The following DKK4 variants were observed in gnomAD, a reference collection of about 807,000 sequenced individuals.
DKK4 encodes the protein dickkopf-related protein 4.
Under a neutral mutation model 14.5 loss-of-function variants are expected in DKK4, and 15 were observed. The ratio of observed to expected loss-of-function variants is 1.03; its 90% confidence interval spans 0.69 to 1.59. DKK4 has a LOEUF of 1.59. Among genes scored for constraint, DKK4 ranks in the 40% most tolerant of loss-of-function variants. DKK4 has a pLI of 0.00. For missense variants in DKK4, 272 were observed against 280.3 expected (o/e 0.97, Z 0.21); for synonymous variants, 89 against 105.2 (o/e 0.85, Z 0.94).
At chr8:42,386,904 GT>G in the DKK4 span, among the ~76,000 whole-genome samples, 2 of 152,198 alleles carry the variant, frequency 1.3e-5, no homozygotes, top group African/African-American at 4.8e-5. Context: ...GTTCTCAGCT[GT>G]TTTTTCAATC....
upstream of DKK4, among the ~76,000 whole-genome samples, chr8:42,379,554 A>AAGGTAT (rs1414663700): frequency 1.3e-5 from 2 of 151,628 alleles, no homozygotes; most frequent in Non-Finnish European, 2.9e-5. Flanking sequence ...CACTAAAATA[A>AAGGTAT]AGGTATAAAT....
the DKK4 span, among the ~76,000 whole-genome samples, chr8:42,388,771 A>G: frequency 6.6e-6 from 1 of 151,902 alleles, no homozygotes; most frequent in Non-Finnish European, 1.5e-5. Flanking sequence ...GGGTTTCACC[A>G]TGTTGGCCAG....
At chr8:42,386,120 C>T in the DKK4 span, among the ~76,000 whole-genome samples, 1 of 152,276 alleles carries the variant, frequency 6.6e-6, no homozygotes, top group South Asian at 2.1e-4. Flanking sequence ...ACTGTGTTGC[C>T]CGGGCTGGAG....
At chr8:42,380,441 GAGGA>G (rs1237308036), upstream of DKK4, among the ~76,000 whole-genome samples, 7 of 144,238 alleles carry the variant, frequency 4.9e-5, no homozygotes, top group East Asian at 8.3e-4. Context: ...AGAAGAGAGA[GAGGA>G]AGGAAGGAAG....
chr8:42,379,368 TATATATATATAGAG>T (rs1319934491), upstream of DKK4, among the ~76,000 whole-genome samples: 2 of 49,494 alleles, frequency 4.0e-5, no homozygotes, highest in Middle Eastern at 7.5e-3. Flanking sequence ...TATATATATA[TATATATATATAGAG>T]AGAGAGAGAG....
At chr8:42,375,175 C>A (rs926913115) in intron 2 of DKK4, among the ~76,000 whole-genome samples, 4 of 152,202 alleles carry the variant, frequency 2.6e-5, no homozygotes, top group Admixed American at 6.5e-5. Flanking sequence ...CAACTTGAGT[C>A]TTTCCTTTAA....
At chr8:42,381,591 A>G (rs961397423), upstream of DKK4, among the ~76,000 whole-genome samples, 1 of 152,046 alleles carries the variant, frequency 6.6e-6, no homozygotes, top group African/African-American at 2.4e-5. Context: ...GCCTGACTCT[A>G]TTACCAGCTG....
upstream of DKK4, among the ~76,000 whole-genome samples, chr8:42,380,948 C>T (rs376901914): frequency 4.0e-5 from 6 of 151,516 alleles, no homozygotes; most frequent in East Asian, 3.9e-4. Context: ...AACGAACAAA[C>T]GAAAGAAAGA....
chr8:42,378,166 ATACTT>A (rs1264685775), upstream of DKK4, among the ~76,000 whole-genome samples: 1 of 152,202 alleles, frequency 6.6e-6, no homozygotes, highest in Non-Finnish European at 1.5e-5. Flanking sequence ...ACTGTCTTAA[ATACTT>A]TAAGGGTAGA....
the DKK4 span, among the ~76,000 whole-genome samples, chr8:42,384,327 G>A: frequency 3.2e-4 from 48 of 152,278 alleles, no homozygotes; most frequent in Non-Finnish European, 6.5e-4. Flanking sequence ...ATTTTTTGTG[G>A]AGATGGGGTC....
upstream of DKK4, among the ~76,000 whole-genome samples, chr8:42,382,123 G>A (rs1180004766): frequency 2.0e-5 from 3 of 152,150 alleles, no homozygotes; most frequent in South Asian, 2.1e-4. Flanking sequence ...ACATGTGTTC[G>A]ATACAACTCA....
At chr8:42,387,896 A>C in the DKK4 span, among the ~76,000 whole-genome samples, 1 of 152,096 alleles carries the variant, frequency 6.6e-6, no homozygotes, top group East Asian at 1.9e-4. Flanking sequence ...CCATTAAAAA[A>C]ATTTTTTTTA....
chr8:42,380,629 GAA>G (rs898834590), upstream of DKK4, among the ~76,000 whole-genome samples: 2 of 140,162 alleles, frequency 1.4e-5, no homozygotes, highest in Non-Finnish European at 3.0e-5. Flanking sequence ...GAGAAAGAAA[GAA>G]AGAGGAAAGA....
upstream of DKK4, among the ~76,000 whole-genome samples, chr8:42,379,590 A>G (rs1236606766): frequency 6.6e-5 from 10 of 151,922 alleles, no homozygotes; most frequent in African/African-American, 2.4e-4. Flanking sequence ...TTATGAAGAT[A>G]TAAATACAGA....
chr8:42,385,176 G>A, the DKK4 span, among the ~76,000 whole-genome samples: 2 of 152,152 alleles, frequency 1.3e-5, no homozygotes, highest in Non-Finnish European at 2.9e-5. Flanking sequence ...AGGATTGCTT[G>A]AGCCCAGTAG....
upstream of DKK4, among the ~76,000 whole-genome samples, chr8:42,381,484 G>A (rs1463176451): frequency 1.3e-5 from 2 of 152,150 alleles, no homozygotes; most frequent in African/African-American, 2.4e-5. Flanking sequence ...ATCACCAACA[G>A]GGGGTGAACA....
chr8:42,388,279 G>C, the DKK4 span, among the ~76,000 whole-genome samples: 2 of 151,952 alleles, frequency 1.3e-5, no homozygotes. Flanking sequence ...GCCCAGGCTA[G>C]AGTGAAGTGG....
chr8:42,385,453 T>C, the DKK4 span, among the ~76,000 whole-genome samples: 2 of 152,084 alleles, frequency 1.3e-5, no homozygotes, highest in Non-Finnish European at 2.9e-5. Context: ...TGGTAGAAAG[T>C]CCTCAGACAC....
the DKK4 span, among the ~76,000 whole-genome samples, chr8:42,386,817 G>A: frequency 2.0e-5 from 3 of 152,144 alleles, no homozygotes. Flanking sequence ...AAACGGAATT[G>A]AACTACACAG....
Sources: gnomAD v4.1 joint callset for allele counts (sites outside exome capture counted in the v4.1 genomes callset) on GRCh38, gnomAD v4.1.1 for gene constraint, MANE v1.5 for transcripts, NCBI Gene and HGNC (gene_info 2026-07-23, HGNC 2026-07-21) for gene names.